MAJIN: variants seen among roughly 807,000 people sequenced by gnomAD.
MAJIN encodes the protein membrane anchored junction protein.
Under a neutral mutation model 30.2 loss-of-function variants are expected in MAJIN, and 27 were observed. That is an observed-to-expected ratio of 0.89 (90% CI 0.66 to 1.23). The LOEUF is 1.23. Among genes scored for constraint, MAJIN ranks in the 50% most tolerant of loss-of-function variants. The probability of loss-of-function intolerance (pLI) is 0.00; values close to 1 mark genes in which losing one functional copy is unlikely to be tolerated. For synonymous variants in MAJIN, 78 were observed against 91.6 expected, an observed-to-expected ratio of 0.85 and a Z score of 0.85; for missense variants, 253 against 260.3, an observed-to-expected ratio of 0.97 and a Z score of 0.19.
chr11:64,943,539 C>G (rs894190153), intron 8 of MAJIN, among the ~76,000 whole-genome samples: 1 of 152,216 alleles, frequency 6.6e-6, no homozygotes, highest in African/African-American at 2.4e-5. Context: ...ATTTTTCCAG[C>G]TCAAGTGACT....
intron 9 of MAJIN, 74 bp downstream of exon 9, chr11:64,940,500 C>T (rs1436458477): frequency 6.1e-6 from 9 of 1,469,870 alleles, no homozygotes; most frequent in Non-Finnish European, 8.6e-6. Flanking sequence ...CTCTGTGCTG[C>T]TCTACATATC....
At chr11:64,945,060 T>C (rs1214808342) in intron 8 of MAJIN, among the ~76,000 whole-genome samples, 1 of 152,164 alleles carries the variant, frequency 6.6e-6, no homozygotes, top group Non-Finnish European at 1.5e-5. Context: ...GCTCATTTGT[T>C]AAAACTAGAT....
intron 8 of MAJIN, 25 bp downstream of exon 8, chr11:64,947,349 G>C (rs753702004): frequency 3.2e-6 from 5 of 1,587,152 alleles, no homozygotes; most frequent in Non-Finnish European, 4.3e-6. Flanking sequence ...ACGCAGGAGC[G>C]AGCCTCTCTC....
intron 3 of MAJIN, among the ~76,000 whole-genome samples, chr11:64,958,612 A>G (rs931343394): frequency 6.6e-6 from 1 of 151,082 alleles, no homozygotes; most frequent in African/African-American, 2.4e-5. Flanking sequence ...AAAAAAAAAA[A>G]AAAAAGAAAG....
intron 3 of MAJIN, among the ~76,000 whole-genome samples, chr11:64,955,320 CA>C (rs1209710738): frequency 2.0e-5 from 2 of 101,548 alleles, no homozygotes; most frequent in East Asian, 4.0e-4. Flanking sequence ...CTTGAGGAAG[CA>C]GAAAAAAAAA....
chr11:64,966,974 G>C (rs1025849714), intron 1 of MAJIN, among the ~76,000 whole-genome samples: 1 of 151,598 alleles, frequency 6.6e-6, no homozygotes, highest in African/African-American at 2.4e-5. Flanking sequence ...TACTTGCTAG[G>C]TTTATAGAAA....
Position 64,947,478 on chromosome 11 carries a change from G to A in MAJIN, c.382-13C>T, listed in dbSNP as rs75700057. The A allele has an allele frequency of 2.0e-5, 32 of 1,608,092 alleles. No individual in the cohort carries two copies. The African/African-American group carries it at 3.7e-4, about 19-fold the overall frequency. On this transcript the variant is annotated splice_polypyrimidine_tract_variant and intron_variant, in intron 7 of 10. Coordinates refer to ENST00000301896, the MANE Select transcript of MAJIN (RefSeq NM_001037225.3). ...TCTCAACTGGGACCTTCAGGAGGAA[G>A]CAGATGCCTGTGACTCCTCCTTTCC...
At chr11:64,956,502 A>C (rs1430389581) in intron 3 of MAJIN, among the ~76,000 whole-genome samples, 1 of 151,942 alleles carries the variant, frequency 6.6e-6, no homozygotes, top group African/African-American at 2.4e-5. Flanking sequence ...AACAAAACAA[A>C]AACAAAAATC....
rs1365515795 is a variant in MAJIN, at chr11:64,960,155, G to A, written c.-64-20C>T. The stretch of plus-strand genomic sequence containing the variant: ...TCGTCTCTGTGGGGAGTTAAGGGGA[G>A]AGATGGAAAAAATAAAAATAAATAA... On this transcript the variant is annotated intron_variant, in intron 1 of 10. Transcript: ENST00000301896. The A allele has an allele frequency of 6.6e-6, 1 of 152,064 alleles. No individual in the cohort carries two copies. Among genetic ancestry groups the A allele is most frequent in the East Asian group, 1.9e-4 (1 of 5,198 alleles). 9.4% of individuals were successfully genotyped at this position (152,064 alleles called of 1,614,324 possible). A position where few individuals can be genotyped will look rare whatever the true frequency, so the allele number is the denominator to read the frequency against.
At chr11:64,968,029 G>T (rs1268415911) in intron 1 of MAJIN, among the ~76,000 whole-genome samples, 1 of 151,998 alleles carries the variant, frequency 6.6e-6, no homozygotes, top group Admixed American at 6.6e-5. Flanking sequence ...ACGGGGAAAA[G>T]CATTCCAAGC....
At chr11:64,965,881 G>A (rs240570) in intron 1 of MAJIN, among the ~76,000 whole-genome samples, 69,968 of 150,710 alleles carry the variant, frequency 0.46, 18,627 homozygotes, top group Non-Finnish European at 0.62. Flanking sequence ...GCGTGAACCC[G>A]GGAGGCAGAG....
intron 3 of MAJIN, among the ~76,000 whole-genome samples, chr11:64,956,315 TAAATAA>T (rs199695440): frequency 0.034 from 5,124 of 150,728 alleles, 132 homozygotes; most frequent in Middle Eastern, 0.062. Flanking sequence ...AATAAATAAA[TAAATAA>T]AAATAAAAAT....
chr11:64,955,221 T>A lies in MAJIN; in HGVS notation c.102-419A>T, dbSNP rs574074133. On this transcript the variant is annotated intron_variant, in intron 3 of 10. Coordinates refer to ENST00000301896, the MANE Select transcript of MAJIN (RefSeq NM_001037225.3). ...AAAATTGCCAATGCCTTAAAACAAA[T>A]CTAGCCAGTTGCACTAGGCTGTACT... Among the ~76,000 whole-genome samples the A allele has an allele frequency of 4.6e-5, 7 of 151,950 alleles. No individual in the cohort carries two copies. In the South Asian group the frequency reaches 1.5e-3, roughly 32 times the overall value.
chr11:64,966,154 A>AAAAAAAAAAAAAAAAAAAAAAAAAC (rs1945805958), intron 1 of MAJIN, among the ~76,000 whole-genome samples: 1 of 149,100 alleles, frequency 6.7e-6, no homozygotes, highest in Non-Finnish European at 1.5e-5. Flanking sequence ...TGAAAAAAAA[A>AAAAAAAAAAAAAAAAAAAAAAAAAC]AAAAAAAAAA....
chr11:64,959,929 T>C (rs1429607309), intron 2 of MAJIN, among the ~76,000 whole-genome samples, 160 bp downstream of exon 2: 1 of 152,152 alleles, frequency 6.6e-6, no homozygotes, highest in East Asian at 1.9e-4. Flanking sequence ...TTACTACAAC[T>C]TCCTGCCACA....
chr11:64,969,986 T>C lies in MAJIN; in HGVS notation c.-65+1891A>G, dbSNP rs551686523. On this transcript the variant is annotated intron_variant, in intron 1 of 10. Transcript: ENST00000301896. ...GCTGAAGTTTGAGATGCCAATGAGA[T>C]AGCCAAAGAGAGATTCTAGATAAGA... Among the ~76,000 whole-genome samples, 13 of 152,212 alleles carry C rather than the reference T, an allele frequency of 8.5e-5. No individual in the cohort carries two copies. The East Asian group carries it at 1.9e-3, about 23-fold the overall frequency.
chr11:64,948,472 C>T (rs934459131), intron 6 of MAJIN, among the ~76,000 whole-genome samples: 1 of 149,622 alleles, frequency 6.7e-6, no homozygotes, highest in Non-Finnish European at 1.5e-5. Flanking sequence ...CTCTGTTGCC[C>T]AGGCAGAAGT....
intron 8 of MAJIN, among the ~76,000 whole-genome samples, chr11:64,944,251 C>T (rs551278235): frequency 1.8e-4 from 28 of 152,332 alleles, no homozygotes; most frequent in Middle Eastern, 3.4e-3. Flanking sequence ...ACAGTCCATT[C>T]GGACTTCTCC....
At chr11:64,959,034 CT>C (rs1483366035) in intron 3 of MAJIN, among the ~76,000 whole-genome samples, 2 of 148,010 alleles carry the variant, frequency 1.4e-5, no homozygotes, top group East Asian at 4.0e-4. Flanking sequence ...GGTGAGAGGA[CT>C]GCTTGAGGAC....
Sources: gnomAD v4.1 joint callset for allele counts (sites outside exome capture counted in the v4.1 genomes callset) on GRCh38, gnomAD v4.1.1 for gene constraint, MANE v1.5 for transcripts, NCBI Gene and HGNC (gene_info 2026-07-23, HGNC 2026-07-21) for gene names.